The following NISCH variants were observed in gnomAD, a reference collection of about 807,000 sequenced individuals.
NISCH encodes the protein I-1 receptor candidate protein.
Under a neutral mutation model 138.4 loss-of-function variants are expected in NISCH, and 55 were observed. The observed-to-expected ratio is 0.40, with a 90% CI of 0.32 to 0.50. NISCH has a LOEUF of 0.50. Among genes scored for constraint, NISCH ranks in the 20% least tolerant of loss-of-function variants. NISCH has a pLI of 0.71. For missense variants in NISCH, 1,643 were observed against 2,005.5 expected (o/e 0.82, Z 3.45); for synonymous variants, 860 against 861.5 (o/e 1.00, Z 0.03).
At chr3:52,485,062 C>T (rs1004240385) in intron 14 of NISCH, among the ~76,000 whole-genome samples, 1 of 152,146 alleles carries the variant, frequency 6.6e-6, no homozygotes, top group African/African-American at 2.4e-5. Context: ...GGCGCCTTTC[C>T]GCATGTCACC....
chr3:52,469,719 A>G (rs140187302), intron 3 of NISCH, among the ~76,000 whole-genome samples: 4,988 of 152,264 alleles, frequency 0.033, 108 homozygotes, highest in Non-Finnish European at 0.047. Context: ...GTTTGAGATC[A>G]GCCTGGCCAA....
At chr3:52,485,701 C>T (rs1425409443) in intron 14 of NISCH, 77 bp from the exon 15 acceptor site, 1 of 1,500,254 alleles carries the variant, frequency 6.7e-7, no homozygotes, top group Non-Finnish European at 9.1e-7. Context: ...GAATGCCCAG[C>T]TCAGGGTCTG....
chr3:52,478,076 C>T, intron 9 of NISCH, 21 bp from the exon 10 acceptor site: 1 of 1,612,264 alleles, frequency 6.2e-7, no homozygotes, highest in Non-Finnish European at 8.5e-7. Context: ...CCACTTTACG[C>T]TGTTCTCCAC....
At chr3:52,472,483 C>T in intron 6 of NISCH, 85 bp downstream of exon 6, 3 of 1,192,738 alleles carry the variant, frequency 2.5e-6, no homozygotes, top group Non-Finnish European at 3.7e-6. Context: ...CTAATTTAAT[C>T]ATAAGGTGCT....
At chr3:52,489,846 C>A in intron 17 of NISCH, 168 bp downstream of exon 17, 1 of 1,303,148 alleles carries the variant, frequency 7.7e-7, no homozygotes, top group Non-Finnish European at 1.0e-6. Context: ...AGTTGCCCTC[C>A]CCTGGCCATT....
At chr3:52,469,263 C>T (rs1477942571) in intron 3 of NISCH, among the ~76,000 whole-genome samples, 1 of 150,770 alleles carries the variant, frequency 6.6e-6, no homozygotes, top group African/African-American at 2.4e-5. Flanking sequence ...AAATTCCTAC[C>T]TGTGGGATGT....
At chr3:52,460,615 G>A (rs1436875989) in intron 3 of NISCH, among the ~76,000 whole-genome samples, 2 of 151,944 alleles carry the variant, frequency 1.3e-5, no homozygotes, top group African/African-American at 2.4e-5. Flanking sequence ...TATTGCTCAG[G>A]TTGGCCTCAA....
At chr3:52,477,506 CTG>C (rs1359522430) in intron 8 of NISCH, 66 bp from the exon 9 acceptor site, 1 of 1,377,026 alleles carries the variant, frequency 7.3e-7, no homozygotes, top group African/African-American at 1.4e-5. Context: ...TGCCCGTCCA[CTG>C]TGTCGGGGAC....
chr3:52,489,781 C>T (rs951510192), intron 17 of NISCH, 103 bp downstream of exon 17: 13 of 1,507,638 alleles, frequency 8.6e-6, no homozygotes, highest in African/African-American at 5.5e-5. Flanking sequence ...TCCCTGATGT[C>T]GGAGTCCTCA....
Position 52,455,707 on chromosome 3 carries a change from G to T in NISCH, c.66G>T (p.Val22=). The change falls in exon 1 of 21, where the codon GTG becomes GTT. Residue 22 remains valine, a synonymous_variant. Transcript: ENST00000345716. ...AGCCGGCCAAGGAAGCGCGCGTCGT[G>T]GGCTCGGAGCTTGTGGACACTTATA... ...EAEPAKEARV[V]GSELVDTYTV... is the part of the protein sequence containing the mutation. 7.3e-7 allele frequency: 1 copy of T among 1,367,864 alleles called. No homozygotes were observed. Among genetic ancestry groups the T allele is most frequent in the Non-Finnish European group, 9.5e-7 (1 of 1,049,836 alleles). 84.7% of individuals were successfully genotyped at this position (1,367,864 alleles called of 1,614,324 possible).
chr3:52,464,564 G>A (rs1013882868), intron 3 of NISCH, among the ~76,000 whole-genome samples: 7 of 92,250 alleles, frequency 7.6e-5, no homozygotes, highest in Non-Finnish European at 1.2e-4. Context: ...TTGCTCTGTT[G>A]CCCAAGCTGG....
chr3:52,469,883 C>G (rs1457725151), intron 3 of NISCH, among the ~76,000 whole-genome samples: 7 of 150,668 alleles, frequency 4.6e-5, no homozygotes, highest in African/African-American at 9.8e-5. Context: ...CCACTGCACT[C>G]TAGCCTGGGC....
At chr3:52,491,582 CTG>C in intron 20 of NISCH, 69 bp downstream of exon 20, 1 of 1,504,376 alleles carries the variant, frequency 6.6e-7, no homozygotes, top group Non-Finnish European at 9.0e-7. Flanking sequence ...GGGTGGCTCT[CTG>C]TGCCCCAGAA....
At chr3:52,489,200 A>C in intron 16 of NISCH, 136 bp from the exon 17 acceptor site, 9 of 1,050,884 alleles carry the variant, frequency 8.6e-6, no homozygotes, top group Non-Finnish European at 1.3e-5. Flanking sequence ...GTTCTCCAAT[A>C]GAGAAGCTGG....
At chr3:52,477,954 ACTTCC>A in intron 9 of NISCH, 138 bp from the exon 10 acceptor site, 1 of 871,512 alleles carries the variant, frequency 1.1e-6, no homozygotes, top group Non-Finnish European at 1.8e-6. Flanking sequence ...GAGAAGAGGG[ACTTCC>A]CTTCCTAAAA....
intron 3 of NISCH, among the ~76,000 whole-genome samples, chr3:52,469,533 G>A (rs778445900): frequency 6.6e-6 from 1 of 152,220 alleles, no homozygotes; most frequent in Non-Finnish European, 1.5e-5. Context: ...TTGGGAGGCC[G>A]AGGTGGGGGG....
intron 13 of NISCH, 51 bp from the exon 14 acceptor site, chr3:52,484,462 T>TTGGGGCGG: frequency 1.3e-6 from 1 of 788,670 alleles, no homozygotes; most frequent in Non-Finnish European, 1.8e-6. Context: ...ACAGCCGCTC[T>TTGGGGCGG]CCCCGCCCCA....
At chr3:52,457,286 T>A (rs934105453) in intron 1 of NISCH, among the ~76,000 whole-genome samples, 2 of 152,100 alleles carry the variant, frequency 1.3e-5, no homozygotes, top group Admixed American at 6.5e-5. Context: ...TACCACTCCC[T>A]CCCCACATCA....
In NISCH at chr3:52,492,619, T is replaced by C; in HGVS notation, c.*137T>C. 3.6e-6 allele frequency: 4 copies of C among 1,116,458 alleles called. No homozygotes were observed. In the South Asian group the frequency reaches 6.7e-5, roughly 19 times the overall value. 69.2% of individuals were successfully genotyped at this position (1,116,458 alleles called of 1,614,324 possible). ...TGTCCTCGCAGAGAATGTGAACATGTGTGTGTGTTGTGTTAATTCTTTCTC... is the reference window on the plus strand; with the variant it reads ...TGTCCTCGCAGAGAATGTGAACATGCGTGTGTGTTGTGTTAATTCTTTCTC... On this transcript the variant is annotated 3_prime_UTR_variant, in exon 21 of 21. Coordinates refer to ENST00000345716, the MANE Select transcript of NISCH (RefSeq NM_007184.4).
Sources: gnomAD v4.1 joint callset for allele counts (sites outside exome capture counted in the v4.1 genomes callset) on GRCh38, gnomAD v4.1.1 for gene constraint, MANE v1.5 for transcripts, NCBI Gene and HGNC (gene_info 2026-07-23, HGNC 2026-07-21) for gene names.